NRXN1: variants seen among roughly 807,000 people sequenced by gnomAD.
NRXN1 encodes the protein neurexin 1.
NRXN1 carries 39 observed loss-of-function variants against 150.9 expected under a neutral mutation model. The ratio of observed to expected loss-of-function variants is 0.26; its 90% CI spans 0.20 to 0.34. The LOEUF is 0.34. Ranked by LOEUF, NRXN1 falls within the 10% of genes least tolerant of loss-of-function variation. The pLI, the probability that NRXN1 is intolerant of heterozygous loss-of-function variation, is 1.00. For synonymous variants in NRXN1, 924 were observed against 757.0 expected (o/e 1.22, Z -3.62); for missense variants, 1,815 against 1,949.9 (o/e 0.93, Z 1.30).
chr2:50,579,951 T>C (rs1672005752), intron 8 of NRXN1, among the ~76,000 whole-genome samples: 2 of 152,196 alleles, frequency 1.3e-5, no homozygotes, highest in African/African-American at 4.8e-5. Context: ...GAAGAATGTT[T>C]TCAAGCAGCA....
intron 5 of NRXN1, among the ~76,000 whole-genome samples, chr2:50,853,433 T>A (rs1674802483): frequency 6.6e-6 from 1 of 152,122 alleles, no homozygotes; most frequent in Non-Finnish European, 1.5e-5. Context: ...GTCACAAGTT[T>A]CATTTAAGTT....
chr2:50,830,511 C>T (rs1671263884), intron 5 of NRXN1, among the ~76,000 whole-genome samples: 1 of 151,528 alleles, frequency 6.6e-6, no homozygotes, highest in Non-Finnish European at 1.5e-5. Flanking sequence ...TCAAAAAGCT[C>T]TGCATCATAT....
chr2:50,098,162 C>T (rs1197362608), intron 18 of NRXN1, among the ~76,000 whole-genome samples: 2 of 152,092 alleles, frequency 1.3e-5, no homozygotes, highest in Admixed American at 6.6e-5. Context: ...CATTAAATAG[C>T]GTCTGTTTAA....
intron 5 of NRXN1, among the ~76,000 whole-genome samples, chr2:50,913,812 T>C (rs1266214470): frequency 2.0e-5 from 3 of 151,652 alleles, no homozygotes; most frequent in Non-Finnish European, 3.0e-5. Flanking sequence ...TATAAGTAGG[T>C]ATAATATGAA....
intron 5 of NRXN1, chr2:50,633,009 T>C (rs1231442822): frequency 6.6e-6 from 1 of 152,108 alleles, no homozygotes; most frequent in Admixed American, 6.5e-5. Flanking sequence ...GTGCCACTCT[T>C]CTGGATAAAT....
intron 21 of NRXN1, among the ~76,000 whole-genome samples, chr2:49,949,835 TATG>T (rs1236746636): frequency 6.6e-6 from 1 of 151,860 alleles, no homozygotes; most frequent in Non-Finnish European, 1.5e-5. Flanking sequence ...CTGGCTGAAA[TATG>T]ATATCTTTGG....
At chr2:50,275,511 A>T (rs1347676698) in intron 17 of NRXN1, among the ~76,000 whole-genome samples, 1 of 152,246 alleles carries the variant, frequency 6.6e-6, no homozygotes, top group East Asian at 1.9e-4. Flanking sequence ...GAAAAAAAAA[A>T]ATCTATTCAT....
At chr2:49,983,146 A>AT (rs771059820) in intron 21 of NRXN1, among the ~76,000 whole-genome samples, 54 of 152,264 alleles carry the variant, frequency 3.5e-4, no homozygotes, top group Non-Finnish European at 6.6e-4. Flanking sequence ...GTACTTTGTA[A>AT]TAATACTATT....
At chr2:50,213,700 TG>T (rs2063191016) in intron 18 of NRXN1, among the ~76,000 whole-genome samples, 2 of 113,966 alleles carry the variant, frequency 1.8e-5, no homozygotes, top group South Asian at 3.0e-4. Context: ...CATTAGCTAG[TG>T]GTTCAAAGAA....
At chr2:50,179,005 T>C (rs2060527869) in intron 18 of NRXN1, among the ~76,000 whole-genome samples, 1 of 152,104 alleles carries the variant, frequency 6.6e-6, no homozygotes, top group African/African-American at 2.4e-5. Context: ...TTTATAATTG[T>C]AATAAAAAAG....
At chr2:50,378,538 T>C (rs1392743487) in intron 17 of NRXN1, among the ~76,000 whole-genome samples, 1 of 152,168 alleles carries the variant, frequency 6.6e-6, no homozygotes, top group Non-Finnish European at 1.5e-5. Flanking sequence ...TACCAGCTGC[T>C]GTCCAGCATC....
At chr2:50,183,166 A>G (rs552493604) in intron 18 of NRXN1, among the ~76,000 whole-genome samples, 1 of 152,264 alleles carries the variant, frequency 6.6e-6, no homozygotes, top group East Asian at 1.9e-4. Flanking sequence ...GAAGAGGAAA[A>G]GACAGGAAAT....
intron 8 of NRXN1, among the ~76,000 whole-genome samples, chr2:50,577,637 T>A (rs1270484512): frequency 6.6e-6 from 1 of 151,924 alleles, no homozygotes; most frequent in Non-Finnish European, 1.5e-5. Context: ...ATTGTTATGA[T>A]CAACAACTTG....
At chr2:50,658,105 C>A (rs142793040) in intron 5 of NRXN1, among the ~76,000 whole-genome samples, 2 of 152,082 alleles carry the variant, frequency 1.3e-5, no homozygotes, top group East Asian at 3.9e-4. Flanking sequence ...TTATTTATTT[C>A]CTTTGTTTAG....
Position 50,301,245 on chromosome 2 carries a change from G to A in NRXN1, c.3365-64275C>T, listed in dbSNP as rs566612879. 4.6e-5 allele frequency among the ~76,000 whole-genome samples: 7 copies of A among 152,262 alleles called. No individual in the cohort carries two copies. In the East Asian group the frequency reaches 9.7e-4, roughly 21 times the overall value. On this transcript the variant is annotated intron_variant, in intron 17 of 22. Transcript: ENST00000401669. Reference sequence around the variant, plus strand: ...AAACACACTATAGCCCTTACCATGTGCCAGGCAGTGTCCTGAGTGCTTTTA... The same window carrying A: ...AAACACACTATAGCCCTTACCATGTACCAGGCAGTGTCCTGAGTGCTTTTA...
At chr2:50,492,058 A>T (rs753677846) in intron 15 of NRXN1, among the ~76,000 whole-genome samples, 1 of 152,160 alleles carries the variant, frequency 6.6e-6, no homozygotes, top group Non-Finnish European at 1.5e-5. Flanking sequence ...TAACATACAA[A>T]TTTGCCAAAT....
chr2:50,777,448 A>T (rs1021066999), intron 5 of NRXN1, among the ~76,000 whole-genome samples: 1 of 152,134 alleles, frequency 6.6e-6, no homozygotes, highest in African/African-American at 2.4e-5. Flanking sequence ...TACAGGTTGA[A>T]ACTACAAGCT....
intron 18 of NRXN1, among the ~76,000 whole-genome samples, chr2:50,138,852 A>G (rs1350531325): frequency 2.0e-5 from 3 of 152,232 alleles, no homozygotes; most frequent in Non-Finnish European, 4.4e-5. Context: ...TCATAAAACC[A>G]AAGTGATACA....
In NRXN1 at chr2:50,680,775, C is replaced by G. The variant is rs551096072; in HGVS notation, c.833-57160G>C. Among the ~76,000 whole-genome samples the G allele has an allele frequency of 4.6e-5, 7 of 151,322 alleles. No individual in the cohort carries two copies. The South Asian group carries it at 1.5e-3, about 32-fold the overall frequency. On this transcript the variant is annotated intron_variant, in intron 5 of 22. Transcript: ENST00000401669. Reference sequence around the variant, plus strand: ...TAAGTTCAAGTGAAAAAAAAAAAAGCTAAGCATGCAGTGGAAAAAAAGGAT... The same window carrying G: ...TAAGTTCAAGTGAAAAAAAAAAAAGGTAAGCATGCAGTGGAAAAAAAGGAT...
Sources: allele counts gnomAD v4.1 joint callset (sites outside exome capture counted in the v4.1 genomes callset), GRCh38; gene constraint gnomAD v4.1.1; transcripts MANE v1.5; gene names NCBI Gene and HGNC (gene_info 2026-07-23, HGNC 2026-07-21).